The following RAPGEF2 variants were observed in gnomAD, a reference collection of about 807,000 sequenced individuals.
The protein encoded by RAPGEF2 is Rap guanine nucleotide exchange factor 2.
A neutral mutation model predicts 186.7 loss-of-function variants in RAPGEF2; 54 were observed. The observed-to-expected ratio is 0.29, with a 90% confidence interval of 0.23 to 0.36. The LOEUF (loss-of-function observed/expected upper bound fraction) is 0.36. RAPGEF2 is among the 10% of genes least tolerant of loss of function. The pLI is 1.00. For missense variants in RAPGEF2, 1,532 were observed against 2,045.0 expected (o/e 0.75, Z 4.84); for synonymous variants, 712 against 705.9 (o/e 1.01, Z -0.14).
chr4:159,258,481 G>A (rs992121039), intron 7 of RAPGEF2, among the ~76,000 whole-genome samples: 2 of 152,096 alleles, frequency 1.3e-5, no homozygotes, highest in Non-Finnish European at 2.9e-5. Flanking sequence ...TACAACAAAA[G>A]GGCAGGCACA....
At chr4:159,220,694 T>C (rs1268707331) in intron 4 of RAPGEF2, among the ~76,000 whole-genome samples, 1 of 152,204 alleles carries the variant, frequency 6.6e-6, no homozygotes, top group Non-Finnish European at 1.5e-5. Flanking sequence ...AAGTCTACCC[T>C]TGTATTCCTG....
chr4:159,200,572 TA>T (rs144220968), intron 3 of RAPGEF2, among the ~76,000 whole-genome samples: 8,020 of 151,194 alleles, frequency 0.053, 705 homozygotes, highest in African/African-American at 0.18. Flanking sequence ...GTTTGCTAGT[TA>T]AAAAAAAAGG....
At chr4:159,303,750 A>G (rs1009281806) in intron 7 of RAPGEF2, among the ~76,000 whole-genome samples, 3 of 152,100 alleles carry the variant, frequency 2.0e-5, no homozygotes, top group Non-Finnish European at 4.4e-5. Context: ...TTAAACATGA[A>G]CATGTAGAAA....
At chr4:159,308,660 A>G (rs1483821245) in intron 8 of RAPGEF2, among the ~76,000 whole-genome samples, 1 of 152,234 alleles carries the variant, frequency 6.6e-6, no homozygotes, top group Non-Finnish European at 1.5e-5. Context: ...TAGATGCTGT[A>G]CACCAGGGAG....
At chr4:159,187,355 C>G (rs1001495025) in intron 2 of RAPGEF2, among the ~76,000 whole-genome samples, 5 of 151,732 alleles carry the variant, frequency 3.3e-5, no homozygotes, top group Non-Finnish European at 7.4e-5. Flanking sequence ...CTCCCTTCCT[C>G]TCTCACTTCT....
intron 1 of RAPGEF2, among the ~76,000 whole-genome samples, chr4:159,126,079 C>T (rs1740267694): frequency 6.6e-6 from 1 of 152,106 alleles, no homozygotes; most frequent in South Asian, 2.1e-4. Context: ...ACTACTTGGT[C>T]AAAAATAACT....
intron 4 of RAPGEF2, among the ~76,000 whole-genome samples, chr4:159,211,865 A>G (rs974191323): frequency 2.6e-5 from 4 of 152,182 alleles, no homozygotes; most frequent in African/African-American, 9.7e-5. Context: ...TTTCTGTAGT[A>G]GCAATAGTCT....
At chr4:159,289,126 G>C (rs1760872469) in intron 7 of RAPGEF2, among the ~76,000 whole-genome samples, 1 of 152,034 alleles carries the variant, frequency 6.6e-6, no homozygotes, top group South Asian at 2.1e-4. Context: ...CTCTCTTTAA[G>C]GGTGTAAGTT....
At chr4:159,352,622 A>C in intron 26 of RAPGEF2, 63 bp from the exon 27 acceptor site, 1 of 1,354,346 alleles carries the variant, frequency 7.4e-7, no homozygotes, top group Non-Finnish European at 1.0e-6. Flanking sequence ...TCTATTTGGT[A>C]GACTTCCCTT....
intron 1 of RAPGEF2, among the ~76,000 whole-genome samples, chr4:159,174,988 G>A (rs1746312026): frequency 6.6e-6 from 1 of 152,018 alleles, no homozygotes; most frequent in Admixed American, 6.6e-5. Context: ...TTTCAAACTT[G>A]GACTCAAGCC....
At position 159,164,205 on chromosome 4, in the gene RAPGEF2, C is replaced by T. The variant is rs530231781; in HGVS notation, c.70-22437C>T. On this transcript the variant is annotated intron_variant, in intron 1 of 29. Transcript: ENST00000691494. ...ATTTTTAGTAGAGGCGGGGTTTCAC[C>T]GTGTTAGCCAGGATGGTCTCGATGT... is the stretch of plus-strand genomic sequence containing the variant. Among the ~76,000 whole-genome samples, 6 of 151,756 alleles carry T rather than the reference C, an allele frequency of 4.0e-5. No individual in the cohort carries two copies. The South Asian group carries it at 8.3e-4, about 21-fold the overall frequency.
chr4:159,141,649 G>A (rs1742349529), intron 1 of RAPGEF2, among the ~76,000 whole-genome samples: 1 of 151,904 alleles, frequency 6.6e-6, no homozygotes, highest in Non-Finnish European at 1.5e-5. Context: ...TCATTGAGAA[G>A]CCTGTACCAG....
intron 11 of RAPGEF2, among the ~76,000 whole-genome samples, chr4:159,325,234 A>G (rs1453264868): frequency 1.3e-5 from 2 of 152,220 alleles, no homozygotes; most frequent in Non-Finnish European, 2.9e-5. Flanking sequence ...AATGCCAGAA[A>G]CGCATTCTAA....
chr4:159,212,911 A>C (rs1056360266), intron 4 of RAPGEF2, among the ~76,000 whole-genome samples: 2 of 152,198 alleles, frequency 1.3e-5, no homozygotes, highest in African/African-American at 4.8e-5. Context: ...AAGGGAACTT[A>C]ATGTTCAGAA....
rs2111339558 is a variant in RAPGEF2 at position 159,353,908 on chromosome 4, A to G, written c.4513A>G (p.Ile1505Val). The change falls in exon 28 of 30, where the codon ATA (isoleucine) becomes GTA (valine). Residue 1505 changes from isoleucine (I) to valine (V), a missense_variant. Ile to Val is a conservative substitution (Grantham distance 29). This residue lies in a region of RAPGEF2 where 594 missense variants were observed against 608.5 expected (regional missense o/e 0.98). Transcript: ENST00000691494. This position sits in a 1 kb window ranked among gnomAD's most constrained non-coding sequence, Gnocchi z 4.3. ...GEDSEGDTGT[I>V]KRRGGKDVSI... is the part of the protein sequence containing the mutation. ...AGACTCAGAAGGTGACACAGGCACAATAAAGCGGAGGGGTGGAAAGGATGT... is the reference window on the plus strand; with the variant it reads ...AGACTCAGAAGGTGACACAGGCACAGTAAAGCGGAGGGGTGGAAAGGATGT... The G allele has an allele frequency of 6.2e-7, 1 of 1,614,244 alleles. No individual in the cohort carries two copies. Among genetic ancestry groups the G allele is most frequent in the Non-Finnish European group, 8.5e-7 (1 of 1,180,036 alleles).
chr4:159,256,315 C>A (rs1042966665), intron 7 of RAPGEF2, among the ~76,000 whole-genome samples: 1 of 152,132 alleles, frequency 6.6e-6, no homozygotes, highest in African/African-American at 2.4e-5. Flanking sequence ...TTTTCTGTTC[C>A]TTGTTAGTTT....
chr4:159,322,507 A>C (rs894044470), intron 10 of RAPGEF2, 24 bp downstream of exon 10: 8 of 1,604,384 alleles, frequency 5.0e-6, no homozygotes, highest in Non-Finnish European at 6.8e-6. Flanking sequence ...CCTACCACTT[A>C]AAAAGTTTCT....
intron 1 of RAPGEF2, among the ~76,000 whole-genome samples, chr4:159,109,655 A>T (rs914053864): frequency 6.6e-6 from 1 of 152,238 alleles, no homozygotes; most frequent in African/African-American, 2.4e-5. Context: ...ATTGTAATTC[A>T]TGAGTGCTGT....
intron 7 of RAPGEF2, among the ~76,000 whole-genome samples, chr4:159,255,141 G>A (rs901206942): frequency 3.3e-5 from 5 of 152,156 alleles, no homozygotes; most frequent in African/African-American, 9.7e-5. Context: ...GCCTAGCTAG[G>A]TGTGTAGTAG....
Sources: gnomAD v4.1 joint callset for allele counts (sites outside exome capture counted in the v4.1 genomes callset) on GRCh38, gnomAD v4.1.1 for gene constraint, gnomAD v4.1.1 regional missense constraint, Gnocchi (gnomAD v3.1) non-coding constraint, MANE v1.5 for transcripts, NCBI Gene and HGNC (gene_info 2026-07-23, HGNC 2026-07-21) for gene names.